PACRG: variants seen among roughly 807,000 people sequenced by gnomAD.
PACRG encodes the protein parkin coregulated, also known as parkin coregulated gene protein.
In PACRG, 29 loss-of-function variants were observed where a neutral mutation model predicts 29.7. The observed-to-expected ratio is 0.98, with a 90% CI of 0.73 to 1.33. The LOEUF is 1.33. Among genes scored for constraint, PACRG ranks in the 40% most tolerant of loss-of-function variants. The pLI is 0.00. For synonymous variants in PACRG, 116 were observed against 118.7 expected (o/e 0.98, Z 0.15); for missense variants, 279 against 316.2 (o/e 0.88, Z 0.89).
chr6:162,804,322 G>T (rs1786130050), intron 1 of PACRG, among the ~76,000 whole-genome samples: 1 of 152,108 alleles, frequency 6.6e-6, no homozygotes, highest in Admixed American at 6.6e-5. Flanking sequence ...CAATCGGTCA[G>T]GTGCCCCGAA....
intron 2 of PACRG, among the ~76,000 whole-genome samples, chr6:162,827,382 T>C (rs1788377280): frequency 6.6e-6 from 1 of 152,188 alleles, no homozygotes; most frequent in Non-Finnish European, 1.5e-5. Context: ...GAAAGAAATA[T>C]GGACTATGGT....
chr6:162,929,289 T>C (rs1797675339), intron 2 of PACRG, among the ~76,000 whole-genome samples: 1 of 151,900 alleles, frequency 6.6e-6, no homozygotes, highest in Admixed American at 6.6e-5. Flanking sequence ...TAATTTCCTT[T>C]TTGGTAAAAG....
At chr6:163,023,947 T>C (rs1806875495) in intron 2 of PACRG, among the ~76,000 whole-genome samples, 1 of 152,194 alleles carries the variant, frequency 6.6e-6, no homozygotes, top group South Asian at 2.1e-4. Flanking sequence ...TGTTCAATTG[T>C]TTAAGTTCCC....
chr6:163,002,487 G>A (rs534023180), intron 2 of PACRG, among the ~76,000 whole-genome samples: 8 of 151,922 alleles, frequency 5.3e-5, no homozygotes, highest in Non-Finnish European at 7.4e-5. Flanking sequence ...TCTTTTTCAG[G>A]TTAAAAAAAG....
intron 1 of PACRG, among the ~76,000 whole-genome samples, chr6:162,759,020 A>C (rs560339782): frequency 6.6e-6 from 1 of 152,218 alleles, no homozygotes; most frequent in African/African-American, 2.4e-5. Flanking sequence ...GTTTCTAGCC[A>C]TTGAAGAAAA....
chr6:162,727,725 C>A, upstream of PACRG: 1 of 1,535,534 alleles, frequency 6.5e-7, no homozygotes, highest in Non-Finnish European at 8.8e-7. Flanking sequence ...CGCAGCGGCG[C>A]CAGCCGCGCC....
chr6:162,761,913 G>T (rs1028689967), intron 1 of PACRG, among the ~76,000 whole-genome samples: 23 of 139,332 alleles, frequency 1.7e-4, no homozygotes, highest in Admixed American at 7.7e-5. Flanking sequence ...CTCCAGCCTG[G>T]TGACACAGCG....
chr6:163,307,489 T>C (rs533963482), intron 4 of PACRG, among the ~76,000 whole-genome samples: 5 of 152,228 alleles, frequency 3.3e-5, no homozygotes, highest in African/African-American at 1.2e-4. Context: ...TTATTGTAAG[T>C]TTTGGTTGAA....
intron 4 of PACRG, among the ~76,000 whole-genome samples, chr6:163,238,663 C>T (rs1220285034): frequency 1.3e-5 from 2 of 152,224 alleles, no homozygotes; most frequent in Admixed American, 6.5e-5. Context: ...AGAAGGAACA[C>T]GTTCAACACC....
chr6:163,066,388 G>A (rs7745572), intron 3 of PACRG, among the ~76,000 whole-genome samples: 1,876 of 152,292 alleles, frequency 0.012, 46 homozygotes, highest in African/African-American at 0.043. Context: ...GAATGGGGCT[G>A]TGCTCCAGCT....
intron 1 of PACRG, among the ~76,000 whole-genome samples, chr6:162,766,905 A>G (rs575303631): frequency 4.6e-5 from 7 of 152,096 alleles, no homozygotes; most frequent in East Asian, 1.9e-4. Context: ...CTTTTTTTCT[A>G]TAGTATGTTC....
At chr6:162,808,894 T>C (rs371264312) in intron 1 of PACRG, among the ~76,000 whole-genome samples, 4 of 152,196 alleles carry the variant, frequency 2.6e-5, no homozygotes, top group African/African-American at 9.6e-5. Flanking sequence ...AATATGGAAC[T>C]TACCTAAGGA....
At chr6:162,815,397 C>T (rs1562625250) in intron 2 of PACRG, among the ~76,000 whole-genome samples, 1 of 149,332 alleles carries the variant, frequency 6.7e-6, no homozygotes, top group African/African-American at 2.5e-5. Context: ...AGGATTATTG[C>T]ATTATATCTA....
intron 1 of PACRG, among the ~76,000 whole-genome samples, chr6:162,751,842 T>A (rs918568684): frequency 6.6e-6 from 1 of 152,148 alleles, no homozygotes; most frequent in Non-Finnish European, 1.5e-5. Flanking sequence ...TTGATAACAT[T>A]TTCACACTCC....
chr6:163,206,773 A>AGAGAAAAGAGAAAACATTCTCTTTTTGTT (rs67781391), intron 4 of PACRG, among the ~76,000 whole-genome samples: 56 of 151,968 alleles, frequency 3.7e-4, no homozygotes, highest in African/African-American at 8.2e-4. Context: ...TGGGGAGAAC[A>AGAGAAAAGAGAAAACATTCTCTTTTTGTT]GTCTCTTAAG....
intron 4 of PACRG, among the ~76,000 whole-genome samples, chr6:163,303,078 C>G (rs1001563115): frequency 9.9e-5 from 15 of 152,178 alleles, no homozygotes; most frequent in African/African-American, 3.4e-4. Flanking sequence ...AGCCTGTAAT[C>G]CCAGCACTTT....
chr6:162,753,199 C>T (rs1781644828), intron 1 of PACRG, among the ~76,000 whole-genome samples: 1 of 151,980 alleles, frequency 6.6e-6, no homozygotes, highest in Admixed American at 6.6e-5. Context: ...AAATATGTTT[C>T]TTCTTTCTAC....
At chr6:163,019,562 TC>T (rs1343983328) in intron 2 of PACRG, among the ~76,000 whole-genome samples, 1,995 of 152,242 alleles carry the variant, frequency 0.013, 51 homozygotes, top group African/African-American at 0.043. Context: ...GCACAACCTC[TC>T]CCAGCTTCAA....
chr6:163,124,769 G>C (rs1258200722), intron 4 of PACRG, among the ~76,000 whole-genome samples: 2 of 152,192 alleles, frequency 1.3e-5, no homozygotes, highest in South Asian at 4.1e-4. Flanking sequence ...AGGCCGTACA[G>C]CTGGAGGGTG....
Sources: gnomAD v4.1 joint callset for allele counts (sites outside exome capture counted in the v4.1 genomes callset) on GRCh38, gnomAD v4.1.1 for gene constraint, MANE v1.5 for transcripts, NCBI Gene and HGNC (gene_info 2026-07-23, HGNC 2026-07-21) for gene names.